Variants in TENM4 observed in about 807,000 individuals in gnomAD.
The protein encoded by TENM4 is teneurin transmembrane protein 4, also known as teneurin-4.
In TENM4, 82 loss-of-function variants were observed where a neutral mutation model predicts 243.3. The ratio of observed to expected loss-of-function variants is 0.34; its 90% CI spans 0.28 to 0.40. TENM4 has a LOEUF of 0.40. Ranked by LOEUF, TENM4 falls within the 10% of genes least tolerant of loss-of-function variation. The pLI is 1.00. For missense variants in TENM4, 3,138 were observed against 3,673.3 expected (o/e 0.85, Z 3.77); for synonymous variants, 1,412 against 1,456.3 (o/e 0.97, Z 0.69).
intron 1 of TENM4, among the ~76,000 whole-genome samples, chr11:79,427,722 C>T (rs980909508): frequency 6.6e-6 from 1 of 152,058 alleles, no homozygotes; most frequent in East Asian, 1.9e-4. Flanking sequence ...TAAACAAAAA[C>T]ATAATAAAGG....
chr11:79,105,150 T>G (rs1861335286), intron 4 of TENM4, among the ~76,000 whole-genome samples: 1 of 152,148 alleles, frequency 6.6e-6, no homozygotes, highest in South Asian at 2.1e-4. Flanking sequence ...TTCGAAAGGG[T>G]GAAATCATTA....
At chr11:79,400,382 G>A (rs561690458) in intron 1 of TENM4, among the ~76,000 whole-genome samples, 1 of 151,334 alleles carries the variant, frequency 6.6e-6, no homozygotes, top group East Asian at 1.9e-4. Flanking sequence ...GGAACAAATT[G>A]CCTACAACTT....
At chr11:78,960,993 C>A (rs1302978623) in intron 6 of TENM4, among the ~76,000 whole-genome samples, 4 of 152,202 alleles carry the variant, frequency 2.6e-5, no homozygotes, top group Non-Finnish European at 5.9e-5. Context: ...GGCCACTTGA[C>A]CCTTGAAGAA....
Position 79,039,046 on chromosome 11 carries a change from G to A in TENM4, c.493+25692C>T, listed in dbSNP as rs951783950. ...AGGGGGGCCTCAGGCACTTGGTGGT[G>A]GTAGGGGCTTGTGTTGGAGCATTCT... On this transcript the variant is annotated intron_variant, in intron 6 of 33. Coordinates refer to ENST00000278550, the MANE Select transcript of TENM4 (RefSeq NM_001098816.3). Among the ~76,000 whole-genome samples the A allele has an allele frequency of 2.2e-4, 34 of 152,154 alleles. 1 individual carries two copies. Among genetic ancestry groups the A allele is most frequent in the African/African-American group, 4.8e-5 (2 of 41,436 alleles).
chr11:79,424,453 C>T (rs1378210802), intron 1 of TENM4, among the ~76,000 whole-genome samples: 1 of 152,000 alleles, frequency 6.6e-6, no homozygotes. Context: ...CAAAACAAAA[C>T]AAAAATTAGC....
chr11:78,907,523 T>C (rs1856089811), intron 6 of TENM4, among the ~76,000 whole-genome samples: 1 of 152,166 alleles, frequency 6.6e-6, no homozygotes, highest in Non-Finnish European at 1.5e-5. Context: ...AACTCACTTC[T>C]CTTCGGTCCT....
chr11:79,042,047 C>T (rs1356686819), intron 6 of TENM4, among the ~76,000 whole-genome samples: 3 of 152,272 alleles, frequency 2.0e-5, no homozygotes, highest in Admixed American at 1.3e-4. Flanking sequence ...ACACAATAGA[C>T]CTGGTACCAA....
chr11:78,849,187 G>T (rs1858474955), intron 12 of TENM4, among the ~76,000 whole-genome samples: 1 of 152,194 alleles, frequency 6.6e-6, no homozygotes, highest in Non-Finnish European at 1.5e-5. Flanking sequence ...AAACGAACTT[G>T]TTAGGTCTTG....
intron 16 of TENM4, among the ~76,000 whole-genome samples, chr11:78,785,049 GTTTTTGTTTTTTT>G (rs1038132369): frequency 3.1e-4 from 18 of 57,238 alleles, no homozygotes; most frequent in African/African-American, 9.6e-4. Context: ...TTTTGTTTCT[GTTTTTGTTTTTTT>G]TTTTTGTTTT....
At chr11:79,228,512 C>T (rs1864316045) in intron 2 of TENM4, among the ~76,000 whole-genome samples, 1 of 152,106 alleles carries the variant, frequency 6.6e-6, no homozygotes, top group Non-Finnish European at 1.5e-5. Context: ...TGCCACCTCG[C>T]CATCCCCACC....
chr11:78,891,529 T>C (rs749817616), intron 7 of TENM4, among the ~76,000 whole-genome samples, 193 bp from the exon 8 acceptor site: 40 of 152,232 alleles, frequency 2.6e-4, no homozygotes, highest in Non-Finnish European at 4.9e-4. Flanking sequence ...CCAGAGAGAA[T>C]ACTGTCTATA....
intron 6 of TENM4, among the ~76,000 whole-genome samples, chr11:79,007,452 T>C (rs531299879): frequency 6.6e-6 from 1 of 152,224 alleles, no homozygotes. Flanking sequence ...CACAGGCCTC[T>C]TGGAGCCCGT....
chr11:78,703,862 G>T (rs1214063011), intron 27 of TENM4, among the ~76,000 whole-genome samples: 3 of 151,614 alleles, frequency 2.0e-5, no homozygotes, highest in African/African-American at 7.3e-5. Context: ...ATGTATGTAT[G>T]TATGTGTATG....
At chr11:79,173,777 T>A (rs1030324570) in intron 3 of TENM4, among the ~76,000 whole-genome samples, 4 of 152,160 alleles carry the variant, frequency 2.6e-5, no homozygotes, top group Non-Finnish European at 5.9e-5. Flanking sequence ...AAAGCTGTAA[T>A]AGTGCAGTTG....
At chr11:79,324,990 G>T (rs1184200302) in intron 1 of TENM4, among the ~76,000 whole-genome samples, 2 of 152,164 alleles carry the variant, frequency 1.3e-5, no homozygotes, top group Non-Finnish European at 2.9e-5. Context: ...AAATGCCAAT[G>T]GCCACTCAGC....
rs756490089 is a variant in TENM4, at chr11:78,712,630, G to T, written c.3906C>A (p.Val1302=). The part of the protein sequence containing the change: ...VFLSDSNSRR[V]FKIKSTVVVK... Reference sequence around the variant, plus strand: ...CCACCACAGTGGACTTGATTTTAAAGACCCGCCGGCTGTTGCTGTCAGAAA... The same window carrying T: ...CCACCACAGTGGACTTGATTTTAAATACCCGCCGGCTGTTGCTGTCAGAAA... Residue 1302 remains valine, a synonymous_variant, in exon 26 of 34, where the codon GTC becomes GTA. Transcript: ENST00000278550. 2 of 1,613,974 alleles carry T rather than the reference G, an allele frequency of 1.2e-6. No homozygotes were observed. Among genetic ancestry groups the T allele is most frequent in the Admixed American group, 1.7e-5 (1 of 60,026 alleles).
chr11:79,114,901 A>T (rs1399027636), intron 4 of TENM4, among the ~76,000 whole-genome samples: 1 of 152,180 alleles, frequency 6.6e-6, no homozygotes, highest in Non-Finnish European at 1.5e-5. Flanking sequence ...CAGTCTGGGG[A>T]TGCGAAGAGG....
rs1406976860 is a variant in TENM4, at chr11:78,672,072, G to A, written c.5754C>T (p.Phe1918=). Reference sequence around the variant, plus strand: ...TGTAGCTCCATGTCTTCCCATCAGCGAAGATCCTGGATGTGATGCGGCCCG... The same window carrying A: ...TGTAGCTCCATGTCTTCCCATCAGCAAAGATCCTGGATGTGATGCGGCCCG... ...DQAGRITSRI[F]ADGKTWSYTY... The change falls in exon 31 of 34, where the codon TTC becomes TTT. Residue 1918 remains phenylalanine (F), a synonymous_variant. Transcript: ENST00000278550. 3 of 1,613,966 alleles carry A rather than the reference G, an allele frequency of 1.9e-6. No homozygotes were observed. The highest frequency in any genetic ancestry group is 2.5e-6 in the Non-Finnish European group (3 of 1,179,888).
At chr11:79,350,289 C>G (rs1857392548) in intron 1 of TENM4, among the ~76,000 whole-genome samples, 1 of 152,180 alleles carries the variant, frequency 6.6e-6, no homozygotes. Context: ...CTGACCACTG[C>G]TAGGGATCAC....
Sources: allele counts gnomAD v4.1 joint callset (sites outside exome capture counted in the v4.1 genomes callset), GRCh38; gene constraint gnomAD v4.1.1; transcripts MANE v1.5; gene names NCBI Gene and HGNC (gene_info 2026-07-23, HGNC 2026-07-21).